The following GFRA2 variants were observed in gnomAD, a reference collection of about 807,000 sequenced individuals.
GFRA2 encodes the protein GDNF family receptor alpha-2.
GFRA2 carries 17 observed loss-of-function variants against 48.3 expected under a neutral mutation model. That is an observed-to-expected ratio of 0.35 (90% confidence interval 0.24 to 0.53). The LOEUF is 0.53. GFRA2 is among the 20% of genes least tolerant of loss of function. The pLI is 0.93. For synonymous variants in GFRA2, 305 were observed against 257.2 expected, an observed-to-expected ratio of 1.19 and a Z score of -1.78; for missense variants, 660 against 637.3, an observed-to-expected ratio of 1.04 and a Z score of -0.38.
chr8:21,724,228 G>C (rs950847407), intron 4 of GFRA2, among the ~76,000 whole-genome samples: 1 of 151,978 alleles, frequency 6.6e-6, no homozygotes, highest in African/African-American at 2.4e-5. Flanking sequence ...ATGGTCTTGT[G>C]TGGGGGGCCT....
chr8:21,795,392 T>TTA (rs1460476336), intron 2 of GFRA2, among the ~76,000 whole-genome samples: 4 of 150,490 alleles, frequency 2.7e-5, no homozygotes, highest in Non-Finnish European at 6.0e-5. Context: ...TTCTTTTTAT[T>TTA]TATTTATTTT....
At chr8:21,754,991 T>C (rs924635261) in intron 3 of GFRA2, among the ~76,000 whole-genome samples, 1 of 151,920 alleles carries the variant, frequency 6.6e-6, no homozygotes, top group Non-Finnish European at 1.5e-5. Flanking sequence ...CACCCTATGA[T>C]TGTAAAGGTA....
In GFRA2 at chr8:21,706,021, T is replaced by C. The variant is rs775306784; in HGVS notation, c.815A>G (p.His272Arg). 4 of 1,574,114 alleles carry C rather than the reference T, an allele frequency of 2.5e-6. No individual in the cohort carries two copies. Among genetic ancestry groups the C allele is most frequent in the Non-Finnish European group, 3.4e-6 (4 of 1,159,434 alleles). ...CTGGTAGGAGGCTCGACAATTGGCA[T>C]GGAAGTCGGCCAGCCGGGACCTGGT... Reference protein sequence around the residue: ...HLCRSRLADFHANCRASYQTV... With the variant: ...HLCRSRLADFRANCRASYQTV... The change falls in exon 5 of 9, where the codon CAT becomes CGT. Residue 272 changes from histidine (H) to arginine (R), a missense_variant. Physicochemically the swap from His to Arg is conservative, Grantham distance 29. Coordinates refer to ENST00000524240, the MANE Select transcript of GFRA2 (RefSeq NM_001495.5).
intron 4 of GFRA2, among the ~76,000 whole-genome samples, chr8:21,735,533 C>A (rs1028595350): frequency 4.0e-5 from 6 of 151,744 alleles, no homozygotes; most frequent in African/African-American, 1.5e-4. Context: ...TGGAGACGAA[C>A]CCTTCCCCAC....
chr8:21,762,157 T>C (rs1805944529), intron 3 of GFRA2, among the ~76,000 whole-genome samples: 1 of 152,086 alleles, frequency 6.6e-6, no homozygotes, highest in African/African-American at 2.4e-5. Flanking sequence ...GGGCTTCCTC[T>C]GCTCCATCCC....
At chr8:21,809,106 A>G (rs1807928620) in intron 1 of GFRA2, among the ~76,000 whole-genome samples, 1 of 152,158 alleles carries the variant, frequency 6.6e-6, no homozygotes, top group Non-Finnish European at 1.5e-5. Flanking sequence ...AGCAAGGCAG[A>G]GAGAGGCCAA....
chr8:21,720,155 A>AT (rs34646209), intron 4 of GFRA2, among the ~76,000 whole-genome samples: 116,994 of 152,130 alleles, frequency 0.77, 45,456 homozygotes, highest in African/African-American at 0.87. Flanking sequence ...ATCAAATCAC[A>AT]TTCCTGACAC....
At chr8:21,709,426 C>T (rs185317095) in intron 4 of GFRA2, among the ~76,000 whole-genome samples, 20 of 152,368 alleles carry the variant, frequency 1.3e-4, no homozygotes, top group African/African-American at 4.8e-4. Context: ...TTGATTTCCT[C>T]ATCCATATCC....
At chr8:21,791,169 C>G (rs1807566850), upstream of GFRA2, among the ~76,000 whole-genome samples, 1 of 152,176 alleles carries the variant, frequency 6.6e-6, no homozygotes, top group Non-Finnish European at 1.5e-5. Context: ...GAGAAATTCT[C>G]TGAATCATAT....
intron 3 of GFRA2, among the ~76,000 whole-genome samples, chr8:21,759,949 C>T (rs1441735929): frequency 6.7e-6 from 1 of 149,590 alleles, no homozygotes; most frequent in East Asian, 2.0e-4. Context: ...GAGGAGGTGA[C>T]ATCAAGTTGA....
intron 3 of GFRA2, among the ~76,000 whole-genome samples, chr8:21,765,532 G>A (rs74189408): frequency 0.25 from 38,319 of 151,578 alleles, 5,538 homozygotes; most frequent in African/African-American, 0.39. Context: ...TCTACTTGGT[G>A]AGACCCAGCC....
In GFRA2 at chr8:21,782,049, AG is replaced by A. The variant is rs1221864538; in HGVS notation, c.355+535del. Among the ~76,000 whole-genome samples, 851 of 152,266 alleles carry A rather than the reference AG, an allele frequency of 5.6e-3. 8 individuals carry two copies. The highest frequency in any genetic ancestry group is 0.019 in the African/African-American group (777 of 41,552). ...GAGGCAGGAGCCAGAAGGACAGAGT[AG>A]GGGCAGCCAGCTCTGGGATCAGCCC... On this transcript the variant is annotated intron_variant, in intron 2 of 8. Transcript: ENST00000524240.
chr8:21,739,919 G>C (rs1804666540), intron 4 of GFRA2, among the ~76,000 whole-genome samples: 1 of 152,254 alleles, frequency 6.6e-6, no homozygotes, highest in Admixed American at 6.5e-5. Flanking sequence ...ATGTGGAGAA[G>C]AGTCTCTTCC....
At chr8:21,734,814 C>T (rs1804369649) in intron 4 of GFRA2, among the ~76,000 whole-genome samples, 1 of 152,178 alleles carries the variant, frequency 6.6e-6, no homozygotes, top group Non-Finnish European at 1.5e-5. Flanking sequence ...TTTATATCTC[C>T]TCTGTTTCAA....
At chr8:21,760,333 A>C (rs747890824) in intron 3 of GFRA2, among the ~76,000 whole-genome samples, 5 of 152,226 alleles carry the variant, frequency 3.3e-5, no homozygotes, top group Non-Finnish European at 7.3e-5. Flanking sequence ...AGGCTGCTGA[A>C]GCAGCAGAAA....
chr8:21,746,492 G>T (rs918012844), intron 4 of GFRA2, among the ~76,000 whole-genome samples: 1 of 152,184 alleles, frequency 6.6e-6, no homozygotes, highest in Non-Finnish European at 1.5e-5. Context: ...ACATCCTGGA[G>T]CAATCAGAAT....
chr8:21,763,950 AACAC>A (rs527247743), intron 3 of GFRA2, among the ~76,000 whole-genome samples: 1,622 of 123,362 alleles, frequency 0.013, 23 homozygotes, highest in East Asian at 0.041. Flanking sequence ...GTCACTAGGT[AACAC>A]ACACACACAC....
At chr8:21,696,666 C>T (rs1038065342) in intron 7 of GFRA2, among the ~76,000 whole-genome samples, 6 of 152,078 alleles carry the variant, frequency 3.9e-5, no homozygotes, top group Non-Finnish European at 5.9e-5. Context: ...ATCTAAAGGC[C>T]GACGCTCCAG....
Position 21,788,304 on chromosome 8 carries a change from T to C in GFRA2, c.-145A>G, listed in dbSNP as rs988377070. 3 of 1,370,140 alleles carry C rather than the reference T, an allele frequency of 2.2e-6. No individual in the cohort carries two copies. Among genetic ancestry groups the C allele is most frequent in the Non-Finnish European group, 2.8e-6 (3 of 1,059,450 alleles). 84.9% of individuals were successfully genotyped at this position (1,370,140 alleles called of 1,614,324 possible). ...TCCCAGCTAGTCCACCCGATGAAGATCCCGAGTCCTGCGATTCTCGCCTCT... is the reference window on the plus strand; with the variant it reads ...TCCCAGCTAGTCCACCCGATGAAGACCCCGAGTCCTGCGATTCTCGCCTCT... On this transcript the variant is annotated 5_prime_UTR_variant, in exon 1 of 9. Transcript: ENST00000524240.
Sources: gnomAD v4.1 joint callset for allele counts (sites outside exome capture counted in the v4.1 genomes callset) on GRCh38, gnomAD v4.1.1 for gene constraint, MANE v1.5 for transcripts, NCBI Gene and HGNC (gene_info 2026-07-23, HGNC 2026-07-21) for gene names.